COL5A2: variants seen among roughly 807,000 people sequenced by gnomAD.
The protein encoded by COL5A2 is collagen alpha-2(V) chain.
A neutral mutation model predicts 208.2 loss-of-function variants in COL5A2; 23 were observed. The ratio of observed to expected loss-of-function variants is 0.11; its 90% CI spans 0.08 to 0.16. The LOEUF is 0.16. Ranked by LOEUF, COL5A2 falls within the 10% of genes least tolerant of loss-of-function variation. The pLI is 1.00. For missense variants in COL5A2, 1,590 were observed against 1,956.4 expected, an observed-to-expected ratio of 0.81 and a Z score of 3.53; for synonymous variants, 625 against 628.5, an observed-to-expected ratio of 0.99 and a Z score of 0.08.
At chr2:189,067,821 A>G (rs1686185979) in intron 21 of COL5A2, among the ~76,000 whole-genome samples, 194 bp downstream of exon 21, 1 of 152,220 alleles carries the variant, frequency 6.6e-6, no homozygotes, top group African/African-American at 2.4e-5. Flanking sequence ...ACATACTGCA[A>G]TAATGTTCCA....
intron 1 of COL5A2, among the ~76,000 whole-genome samples, chr2:189,189,542 A>G (rs1688897569): frequency 6.6e-6 from 1 of 152,146 alleles, no homozygotes; most frequent in Admixed American, 6.5e-5. Context: ...ATAATAAAAT[A>G]AATTAGCCAG....
At chr2:189,208,354 C>A (rs1327889535) in intron 1 of COL5A2, among the ~76,000 whole-genome samples, 2 of 152,166 alleles carry the variant, frequency 1.3e-5, no homozygotes. Flanking sequence ...AATGAACAAA[C>A]AATCTATAGA....
At chr2:189,038,891 A>G (rs1465987543) in intron 51 of COL5A2, among the ~76,000 whole-genome samples, 1 of 151,870 alleles carries the variant, frequency 6.6e-6, no homozygotes, top group Non-Finnish European at 1.5e-5. Flanking sequence ...GGGTTTCACC[A>G]TGTTAGCCAG....
At chr2:189,315,850 TG>T in the COL5A2 span, among the ~76,000 whole-genome samples, 1 of 151,832 alleles carries the variant, frequency 6.6e-6, no homozygotes. Context: ...AAAGAATAAT[TG>T]GAAAAAAGCT....
chr2:189,254,045 T>C, the COL5A2 span, among the ~76,000 whole-genome samples: 1 of 152,264 alleles, frequency 6.6e-6, no homozygotes, highest in Non-Finnish European at 1.5e-5. Flanking sequence ...TGATTCTCCT[T>C]GTAGTCAATA....
At chr2:189,278,547 C>T in the COL5A2 span, among the ~76,000 whole-genome samples, 11 of 152,112 alleles carry the variant, frequency 7.2e-5, no homozygotes, top group African/African-American at 2.4e-4. Flanking sequence ...TTTGCCTTTA[C>T]TCTTAAAATC....
chr2:189,394,431 T>C, the COL5A2 span, among the ~76,000 whole-genome samples: 1 of 152,150 alleles, frequency 6.6e-6, no homozygotes, highest in Non-Finnish European at 1.5e-5. Flanking sequence ...GATTAGGTCA[T>C]GAGAGTTACC....
chr2:189,385,333 C>T, the COL5A2 span, among the ~76,000 whole-genome samples: 1 of 152,092 alleles, frequency 6.6e-6, no homozygotes, highest in Non-Finnish European at 1.5e-5. Flanking sequence ...ACACCAATAA[C>T]ATTCTAGCTG....
chr2:189,121,285 G>A (rs937940214), intron 1 of COL5A2, among the ~76,000 whole-genome samples: 4 of 151,936 alleles, frequency 2.6e-5, no homozygotes, highest in Non-Finnish European at 5.9e-5. Context: ...CATTTCCAAG[G>A]TGTATAATAT....
the COL5A2 span, among the ~76,000 whole-genome samples, chr2:189,307,536 T>C: frequency 2.0e-5 from 3 of 152,096 alleles, no homozygotes; most frequent in Non-Finnish European, 2.9e-5. Context: ...CCAGGTGCTA[T>C]AACAAACAAT....
At chr2:189,263,139 A>G in the COL5A2 span, among the ~76,000 whole-genome samples, 5 of 152,188 alleles carry the variant, frequency 3.3e-5, no homozygotes, top group African/African-American at 1.2e-4. Flanking sequence ...AGCATCTCCA[A>G]TTTCCAGCCA....
intron 1 of COL5A2, among the ~76,000 whole-genome samples, chr2:189,175,203 C>A (rs1231519594): frequency 6.6e-6 from 1 of 152,084 alleles, no homozygotes; most frequent in Admixed American, 6.5e-5. Flanking sequence ...CATTTCCTAG[C>A]CCCTCTTGAA....
At chr2:189,333,412 A>G in the COL5A2 span, among the ~76,000 whole-genome samples, 1 of 152,204 alleles carries the variant, frequency 6.6e-6, no homozygotes, top group African/African-American at 2.4e-5. Flanking sequence ...AAAGTATTAT[A>G]AACAATTTTA....
chr2:189,319,744 C>T, the COL5A2 span, among the ~76,000 whole-genome samples: 5,558 of 152,276 alleles, frequency 0.036, 115 homozygotes, highest in Admixed American at 0.05. Context: ...GGGAGCAGGG[C>T]GTAGCCGAAC....
intron 1 of COL5A2, among the ~76,000 whole-genome samples, chr2:189,128,001 G>GT (rs1447671675): frequency 3.2e-4 from 48 of 152,020 alleles, no homozygotes; most frequent in Non-Finnish European, 5.9e-5. Flanking sequence ...AACAGAAATG[G>GT]TAAGTGTAGG....
chr2:189,179,886 A>G (rs1196108608), upstream of COL5A2: 4 of 588,090 alleles, frequency 6.8e-6, no homozygotes, highest in Non-Finnish European at 1.2e-5. Flanking sequence ...GGTCTGATTG[A>G]TGGTAAACAA....
At chr2:189,340,542 G>A in the COL5A2 span, among the ~76,000 whole-genome samples, 1 of 152,130 alleles carries the variant, frequency 6.6e-6, no homozygotes, top group East Asian at 1.9e-4. Flanking sequence ...TTCAACCTTG[G>A]CCTAGAATGG....
chr2:189,190,666 A>G (rs559984441), intron 1 of COL5A2, among the ~76,000 whole-genome samples: 79 of 152,338 alleles, frequency 5.2e-4, no homozygotes, highest in African/African-American at 1.7e-3. Flanking sequence ...AATTTGGGAC[A>G]CTGAAATTAT....
the COL5A2 span, among the ~76,000 whole-genome samples, chr2:189,340,585 T>C: frequency 6.6e-6 from 1 of 152,172 alleles, no homozygotes; most frequent in Non-Finnish European, 1.5e-5. Flanking sequence ...TAAGGGCACA[T>C]AAACCCATCA....
Sources: gnomAD v4.1 joint callset for allele counts (sites outside exome capture counted in the v4.1 genomes callset) on GRCh38, gnomAD v4.1.1 for gene constraint, MANE v1.5 for transcripts, NCBI Gene and HGNC (gene_info 2026-07-23, HGNC 2026-07-21) for gene names.